Variants in CRB1 observed in about 807,000 individuals in gnomAD.
CRB1 encodes crumbs cell polarity complex component 1.
A neutral mutation model predicts 120.0 loss-of-function variants in CRB1; 83 were observed. That is an observed-to-expected ratio of 0.69 (90% CI 0.58 to 0.83). The LOEUF is 0.83. CRB1 is among the 40% of genes least tolerant of loss of function. CRB1 has a pLI of 0.00. For synonymous variants in CRB1, 625 were observed against 612.5 expected, an observed-to-expected ratio of 1.02 and a Z score of -0.30; for missense variants, 1,699 against 1,687.6, an observed-to-expected ratio of 1.01 and a Z score of -0.12.
the CRB1 span, among the ~76,000 whole-genome samples, chr1:197,221,409 C>A: frequency 9.2e-5 from 14 of 152,254 alleles, no homozygotes; most frequent in East Asian, 2.7e-3. Context: ...GTGTTCAAAC[C>A]ATACCTCATC....
chr1:197,340,863 C>T (rs1465656628), intron 2 of CRB1, among the ~76,000 whole-genome samples: 1 of 152,050 alleles, frequency 6.6e-6, no homozygotes, highest in Admixed American at 6.6e-5. Flanking sequence ...TAAAGACATA[C>T]CCTAGACTGG....
intron 5 of CRB1, among the ~76,000 whole-genome samples, chr1:197,417,721 G>A (rs926294207): frequency 6.6e-6 from 1 of 152,104 alleles, no homozygotes; most frequent in Non-Finnish European, 1.5e-5. Flanking sequence ...CAGAAACCAT[G>A]GAGCCATATT....
At chr1:197,341,116 T>A (rs1176229808) in intron 2 of CRB1, among the ~76,000 whole-genome samples, 2 of 152,038 alleles carry the variant, frequency 1.3e-5, no homozygotes, top group Non-Finnish European at 2.9e-5. Flanking sequence ...TCCCACAGGG[T>A]CCATCCCATA....
the CRB1 span, among the ~76,000 whole-genome samples, chr1:197,232,292 A>C: frequency 6.6e-6 from 1 of 152,212 alleles, no homozygotes; most frequent in Non-Finnish European, 1.5e-5. Flanking sequence ...GCTTTAGGCT[A>C]CTGTGTGTGG....
rs566574275 is a variant in CRB1, at chr1:197,339,551, G to T, written c.653-4730G>T. Among the ~76,000 whole-genome samples, 6 of 152,304 alleles carry T rather than the reference G, an allele frequency of 3.9e-5. No homozygotes were observed. In the South Asian group the frequency reaches 1.0e-3, roughly 26 times the overall value. ...AAGCCAGACTACAATTATTTCCAAA[G>T]CGTGGACTCTGCAGATAATGAGAAA... On this transcript the variant is annotated intron_variant, in intron 2 of 11. Transcript: ENST00000367400.
At chr1:197,408,590 G>A (rs556267691) in intron 5 of CRB1, among the ~76,000 whole-genome samples, 13 of 152,246 alleles carry the variant, frequency 8.5e-5, no homozygotes, top group African/African-American at 3.1e-4. Flanking sequence ...GCTAAAGAAT[G>A]TAAAGCCAGT....
At chr1:197,318,892 A>G (rs1443145212) in intron 1 of CRB1, among the ~76,000 whole-genome samples, 1 of 152,118 alleles carries the variant, frequency 6.6e-6, no homozygotes, top group Non-Finnish European at 1.5e-5. Flanking sequence ...AGTTATAGTT[A>G]CACAGGAGGA....
chr1:197,356,173 T>G (rs765613750), intron 4 of CRB1, among the ~76,000 whole-genome samples: 1 of 152,228 alleles, frequency 6.6e-6, no homozygotes, highest in Non-Finnish European at 1.5e-5. Context: ...GTTCCAGTTA[T>G]GTTAAAACAG....
chr1:197,259,716 A>G, the CRB1 span, among the ~76,000 whole-genome samples: 5 of 152,212 alleles, frequency 3.3e-5, no homozygotes, highest in Admixed American at 2.6e-4. Context: ...TATTGAAAAG[A>G]TATAAATTAT....
the CRB1 span, among the ~76,000 whole-genome samples, chr1:197,219,407 T>C: frequency 5.0e-3 from 761 of 152,256 alleles, 5 homozygotes; most frequent in Non-Finnish European, 6.5e-3. Context: ...ACTTGAAAAA[T>C]AGGGCTGATA....
At position 197,366,865 on chromosome 1, in the gene CRB1, C is replaced by T. The variant is rs569539018; in HGVS notation, c.1171+9852C>T. ...GATATTTTAATGACTAGAATTGAAC[C>T]ATGCCTCTAGAGGCAGTAGTGGTTA... On this transcript the variant is annotated intron_variant, in intron 5 of 11. Transcript: ENST00000367400. Among the ~76,000 whole-genome samples the T allele has an allele frequency of 3.9e-5, 6 of 152,200 alleles. No homozygotes were observed. The South Asian group carries it at 1.0e-3, about 26-fold the overall frequency.
intron 11 of CRB1, among the ~76,000 whole-genome samples, chr1:197,461,820 G>A (rs1023344156): frequency 5.9e-5 from 9 of 152,124 alleles, no homozygotes; most frequent in African/African-American, 2.2e-4. Flanking sequence ...GTCCAGGAGT[G>A]CTGCATTTGT....
intron 7 of CRB1, chr1:197,429,087 TTTATCATCTATAAAACCAGGA>T (rs1448347636): frequency 4.0e-6 from 6 of 1,511,132 alleles, no homozygotes; most frequent in Middle Eastern, 1.7e-4. Flanking sequence ...ACACCTTCTT[TTTATCATCTATAAAACCAGGA>T]GTAAGAATCC....
chr1:197,466,162 T>C (rs1484955696), intron 11 of CRB1, among the ~76,000 whole-genome samples: 1 of 152,138 alleles, frequency 6.6e-6, no homozygotes. Flanking sequence ...CCATCTGGGG[T>C]ATGTCCTACA....
At chr1:197,449,415 G>A (rs947971431) in intron 11 of CRB1, among the ~76,000 whole-genome samples, 33 of 152,044 alleles carry the variant, frequency 2.2e-4, no homozygotes, top group African/African-American at 6.3e-4. Context: ...CGCCCAGGCT[G>A]GAGTGCAGTG....
the CRB1 span, among the ~76,000 whole-genome samples, chr1:197,256,761 A>C: frequency 6.6e-6 from 1 of 152,034 alleles, no homozygotes; most frequent in Non-Finnish European, 1.5e-5. Flanking sequence ...ATATGTAACT[A>C]ACCTGCACAA....
At chr1:197,403,587 T>C (rs1196630851) in intron 5 of CRB1, among the ~76,000 whole-genome samples, 4 of 152,154 alleles carry the variant, frequency 2.6e-5, no homozygotes, top group Non-Finnish European at 5.9e-5. Flanking sequence ...GATATCTGAG[T>C]TCTTGATCTT....
At chr1:197,252,040 A>C in the CRB1 span, among the ~76,000 whole-genome samples, 5 of 151,914 alleles carry the variant, frequency 3.3e-5, no homozygotes, top group African/African-American at 1.2e-4. Flanking sequence ...AGACCTAGCT[A>C]TCCACAGTTT....
chr1:197,475,710 T>C (rs939516128), intron 11 of CRB1, among the ~76,000 whole-genome samples: 1 of 152,180 alleles, frequency 6.6e-6, no homozygotes, highest in Non-Finnish European at 1.5e-5. Flanking sequence ...TACTTTATAG[T>C]ATTTTCTCTC....
Sources: allele counts gnomAD v4.1 joint callset (sites outside exome capture counted in the v4.1 genomes callset), GRCh38; gene constraint gnomAD v4.1.1; transcripts MANE v1.5; gene names NCBI Gene and HGNC (gene_info 2026-07-23, HGNC 2026-07-21).